Variants in VPS35L observed in about 807,000 individuals in gnomAD.
The protein encoded by VPS35L is VPS35 endosomal protein-sorting factor-like.
Under a neutral mutation model 133.0 loss-of-function variants are expected in VPS35L, and 83 were observed. That is an observed-to-expected ratio of 0.62 (90% CI 0.52 to 0.75). The LOEUF is 0.75. VPS35L is among the 30% of genes least tolerant of loss of function. The pLI, the probability that VPS35L is intolerant of heterozygous loss-of-function variation, is 0.00. For missense variants in VPS35L, 1,083 were observed against 1,206.8 expected (o/e 0.90, Z 1.52); for synonymous variants, 423 against 449.9 (o/e 0.94, Z 0.76).
At chr16:19,653,754 G>A (rs1974210262) in intron 26 of VPS35L, among the ~76,000 whole-genome samples, 2 of 152,244 alleles carry the variant, frequency 1.3e-5, no homozygotes, top group Admixed American at 1.3e-4. Flanking sequence ...CAATTGGAGA[G>A]TGATCACTTC....
intron 26 of VPS35L, among the ~76,000 whole-genome samples, chr16:19,660,458 G>C (rs1974447436): frequency 6.6e-6 from 1 of 152,154 alleles, no homozygotes; most frequent in African/African-American, 2.4e-5. Context: ...ATGGATTGAA[G>C]ATCTAGGAGT....
intron 1 of VPS35L, among the ~76,000 whole-genome samples, chr16:19,563,976 G>A (rs1213996157): frequency 6.6e-6 from 1 of 152,206 alleles, no homozygotes; most frequent in Non-Finnish European, 1.5e-5. Flanking sequence ...TGCCCTCAGC[G>A]GGAAAGCTGG....
At chr16:19,599,957 C>T (rs900181573) in intron 8 of VPS35L, among the ~76,000 whole-genome samples, 4 of 152,136 alleles carry the variant, frequency 2.6e-5, no homozygotes, top group Non-Finnish European at 2.9e-5. Flanking sequence ...GGAAGGATTG[C>T]TTGAACCCAG....
chr16:19,699,594 C>A lies in VPS35L; in HGVS notation c.2739C>A (p.Ser913=). Residue 913 remains serine, a synonymous_variant, in exon 30 of 31, where the codon TCC becomes TCA. Coordinates refer to ENST00000417362, the MANE Select transcript of VPS35L (RefSeq NM_020314.7). This position sits in a 1 kb window ranked among gnomAD's most constrained non-coding sequence, Gnocchi z 4.2. ...GCAACAACAAGCTCAACCAGCTCTC[C>A]GTCAACCTGTGGCACCTGGCACAGA... ...DLRNNKLNQL[S]VNLWHLAQRH... 6.2e-7 allele frequency: 1 copy of A among 1,614,158 alleles called. No individual in the cohort carries two copies. Among genetic ancestry groups the A allele is most frequent in the Non-Finnish European group, 8.5e-7 (1 of 1,180,048 alleles).
intron 11 of VPS35L, 76 bp from the exon 12 acceptor site, chr16:19,610,246 T>C (rs974147714): frequency 1.6e-6 from 2 of 1,262,882 alleles, no homozygotes; most frequent in African/African-American, 1.5e-5. Flanking sequence ...AGGAAGTCTT[T>C]ATCTTTATTT....
chr16:19,700,693 G>A lies in VPS35L; in HGVS notation c.*217G>A. On this transcript the variant is annotated 3_prime_UTR_variant, in exon 31 of 31. Transcript: ENST00000417362. ...AAAATGCAATCTTCACTAAGAAGCA[G>A]TCTCTGTGTTGTCTTTGCACAAGTG... 1 of 538,074 alleles carries A rather than the reference G, an allele frequency of 1.9e-6. No individual in the cohort carries two copies. The highest frequency in any genetic ancestry group is 3.1e-5 in the Admixed American group (1 of 31,862). 33.3% of individuals were successfully genotyped at this position (538,074 alleles called of 1,614,324 possible).
intron 29 of VPS35L, among the ~76,000 whole-genome samples, chr16:19,696,400 G>A (rs1341138682): frequency 2.0e-5 from 3 of 152,136 alleles, no homozygotes; most frequent in African/African-American, 7.2e-5. Flanking sequence ...CGCAGCTCTG[G>A]TAGCAACCGT....
chr16:19,601,352 G>A (rs7194291), intron 8 of VPS35L, among the ~76,000 whole-genome samples: 51,579 of 152,050 alleles, frequency 0.34, 9,555 homozygotes, highest in Non-Finnish European at 0.41. Context: ...TGGGCTGCCT[G>A]TTTTCACCTC....
At position 19,616,591 on chromosome 16, in the gene VPS35L, T is replaced by C. The variant is rs150031273; in HGVS notation, c.1102-95T>C. 3.3e-3 allele frequency: 4,834 copies of C among 1,471,158 alleles called. 132 individuals carry two copies. In the African/African-American group the frequency reaches 0.057, roughly 17 times the overall value. The allele number at this position is 1,471,158 out of a possible 1,614,324, so 91.1% of individuals were successfully genotyped here. ...GCTATTTCTCTCAGGGCTGTCCACA[T>C]GCTTACAAGTATGCACAGTCTGTGA... On this transcript the variant is annotated intron_variant, in intron 13 of 30. Coordinates refer to ENST00000417362, the MANE Select transcript of VPS35L (RefSeq NM_020314.7).
At chr16:19,650,912 T>C (rs1245711812) in intron 25 of VPS35L, among the ~76,000 whole-genome samples, 1 of 152,150 alleles carries the variant, frequency 6.6e-6, no homozygotes, top group Non-Finnish European at 1.5e-5. Context: ...GGAGTCTTGC[T>C]CTGTCACCCA....
At chr16:19,664,906 A>C (rs560525760) in intron 26 of VPS35L, among the ~76,000 whole-genome samples, 20 of 152,120 alleles carry the variant, frequency 1.3e-4, no homozygotes, top group South Asian at 1.0e-3. Context: ...TCTAAAAAAA[A>C]AAAAAAACAA....
chr16:19,631,184 C>G (rs1973445134), intron 18 of VPS35L, among the ~76,000 whole-genome samples: 1 of 152,132 alleles, frequency 6.6e-6, no homozygotes, highest in Non-Finnish European at 1.5e-5. Flanking sequence ...TTGTTGTTTA[C>G]AAGCTTCCTG....
intron 29 of VPS35L, among the ~76,000 whole-genome samples, chr16:19,691,787 C>T (rs1208852636): frequency 2.0e-5 from 3 of 150,454 alleles, no homozygotes; most frequent in East Asian, 1.9e-4. Context: ...GTCCCTGTAG[C>T]GCCTGTTCAG....
chr16:19,653,610 G>C (rs921819623), intron 26 of VPS35L, among the ~76,000 whole-genome samples: 1 of 152,218 alleles, frequency 6.6e-6, no homozygotes, highest in African/African-American at 2.4e-5. Context: ...AGGAATGCCG[G>C]GGCAGTTCCA....
chr16:19,662,051 A>T (rs956215751), intron 26 of VPS35L, among the ~76,000 whole-genome samples: 1 of 152,156 alleles, frequency 6.6e-6, no homozygotes, highest in African/African-American at 2.4e-5. Context: ...AAAAACTTAA[A>T]AAATCAGCAG....
chr16:19,642,463 C>T lies in VPS35L; in HGVS notation c.1852C>T (p.His618Tyr). ...CCTTTTGCATGTTTGCAAGACCATG[C>T]ATGACTCTGTGAAGTAAGCCATGCT... The part of the protein sequence containing the change: ...NALLHVCKTM[H>Y]DSVNALTLED... Residue 618 changes from histidine (H) to tyrosine (Y), a missense_variant, in exon 22 of 31, where the codon CAT becomes TAT. His to Tyr is a moderately conservative substitution (Grantham distance 83). Coordinates refer to ENST00000417362, the MANE Select transcript of VPS35L (RefSeq NM_020314.7). The T allele has an allele frequency of 2.5e-6, 4 of 1,612,770 alleles. No individual in the cohort carries two copies. Among genetic ancestry groups the T allele is most frequent in the Non-Finnish European group, 3.4e-6 (4 of 1,179,008 alleles).
chr16:19,566,466 A>G (rs1021055812), intron 2 of VPS35L, among the ~76,000 whole-genome samples: 1 of 152,216 alleles, frequency 6.6e-6, no homozygotes, highest in African/African-American at 2.4e-5. Flanking sequence ...ACTGCCCTCC[A>G]TCCTGGGCAA....
At chr16:19,673,643 GTGTT>G (rs1253282406) in intron 27 of VPS35L, among the ~76,000 whole-genome samples, 1 of 152,180 alleles carries the variant, frequency 6.6e-6, no homozygotes, top group Non-Finnish European at 1.5e-5. Context: ...AGCATTGCAT[GTGTT>G]TTAGCTGGGG....
intron 27 of VPS35L, among the ~76,000 whole-genome samples, chr16:19,679,790 C>T (rs1322211257): frequency 6.6e-6 from 1 of 152,168 alleles, no homozygotes; most frequent in Admixed American, 6.5e-5. Context: ...CAGGCGTGAG[C>T]CACCGCTATC....
Sources: gnomAD v4.1 joint callset for allele counts (sites outside exome capture counted in the v4.1 genomes callset) on GRCh38, gnomAD v4.1.1 for gene constraint, Gnocchi (gnomAD v3.1) non-coding constraint, MANE v1.5 for transcripts, NCBI Gene and HGNC (gene_info 2026-07-23, HGNC 2026-07-21) for gene names.